PARD3B: variants seen among roughly 807,000 people sequenced by gnomAD.
The protein encoded by PARD3B is partitioning defective 3 homolog B.
Under a neutral mutation model 130.2 loss-of-function variants are expected in PARD3B, and 103 were observed. The observed-to-expected ratio is 0.79, with a 90% confidence interval of 0.67 to 0.93. The LOEUF (loss-of-function observed/expected upper bound fraction) is 0.93, where lower values mean the gene tolerates loss of function less well. Ranked by LOEUF, PARD3B falls within the 40% of genes least tolerant of loss-of-function variation. PARD3B has a pLI of 0.00. For missense variants in PARD3B, 1,609 were observed against 1,499.2 expected (o/e 1.07, Z -1.21); for synonymous variants, 583 against 553.2 (o/e 1.05, Z -0.76).
intron 1 of PARD3B, among the ~76,000 whole-genome samples, chr2:204,662,198 C>G (rs533973662): frequency 6.6e-6 from 1 of 152,274 alleles, no homozygotes; most frequent in South Asian, 2.1e-4. Flanking sequence ...CAAATAGTGA[C>G]AGATTTTATT....
intron 3 of PARD3B, among the ~76,000 whole-genome samples, chr2:204,983,937 TTGTATGTCAGTACCCGTCCCCTCCTC>T (rs1449568507): frequency 2.0e-5 from 3 of 152,092 alleles, no homozygotes; most frequent in Non-Finnish European, 4.4e-5. Context: ...TGTATTGAAG[TTGTATGTCAGTACCCGTCCCCTCCTC>T]TGTATGGACC....
At chr2:204,740,465 A>C (rs1203546833) in intron 2 of PARD3B, among the ~76,000 whole-genome samples, 6 of 152,184 alleles carry the variant, frequency 3.9e-5, no homozygotes, top group African/African-American at 1.4e-4. Context: ...ATAAAACAAA[A>C]ACTGTTTTAT....
chr2:205,032,651 G>A (rs1232796562), intron 3 of PARD3B, among the ~76,000 whole-genome samples: 1 of 152,150 alleles, frequency 6.6e-6, no homozygotes, highest in African/African-American at 2.4e-5. Context: ...AGTTTTAGGT[G>A]TTATTAAGCA....
rs763348597 is a variant in PARD3B, at chr2:204,855,558, T to A, written c.223-109594T>A. Among the ~76,000 whole-genome samples, 323 of 147,692 alleles carry A rather than the reference T, an allele frequency of 2.2e-3. 2 individuals are homozygous for A. The highest frequency in any genetic ancestry group is 0.011 in the East Asian group (58 of 5,052). On this transcript the variant is annotated intron_variant, in intron 2 of 22. Transcript: ENST00000406610. ...TCCCTCTAAAAGAAAAAAAAATATA[T>A]ATATATATATATATAAGGAATTTAA...
At chr2:205,112,981 T>A (rs1045245253) in intron 5 of PARD3B, among the ~76,000 whole-genome samples, 1 of 152,226 alleles carries the variant, frequency 6.6e-6, no homozygotes, top group African/African-American at 2.4e-5. Flanking sequence ...TGCCCATATG[T>A]ATTACCAACT....
chr2:204,589,489 TA>T lies in PARD3B; in HGVS notation c.120+43371del, dbSNP rs1156574666. ...GTTGACTAAACGAAGGCAGAACTTT[TA>T]TCTATTTCACTTGCTTAGAATGCCT... On this transcript the variant is annotated intron_variant, in intron 1 of 22. Transcript: ENST00000406610. Among the ~76,000 whole-genome samples the T allele has an allele frequency of 3.9e-5, 6 of 152,212 alleles. No homozygotes were observed. In the East Asian group the frequency reaches 1.2e-3, roughly 29 times the overall value.
In PARD3B at chr2:205,287,027, G is replaced by A. The variant is rs1012188170; in HGVS notation, c.2186-13503G>A. ...TAATAAAACTCTTCTTGATGTAGAA[G>A]ATTTGTCACTTGTAAAATCCATGCA... On this transcript the variant is annotated intron_variant, in intron 16 of 22. Coordinates refer to ENST00000406610, the MANE Select transcript of PARD3B (RefSeq NM_001302769.2). This position sits in a 1 kb window ranked among gnomAD's most constrained non-coding sequence, Gnocchi z 4.8. Among the ~76,000 whole-genome samples, 1 of 152,176 alleles carries A rather than the reference G, an allele frequency of 6.6e-6. No homozygotes were observed. Among genetic ancestry groups the A allele is most frequent in the Non-Finnish European group, 1.5e-5 (1 of 68,030 alleles).
rs533508554 is a variant in PARD3B, at chr2:205,156,289, C to G, written c.1435-2433C>G. 7.4e-5 allele frequency among the ~76,000 whole-genome samples: 11 copies of G among 149,522 alleles called. No homozygotes were observed. In the South Asian group the frequency reaches 1.7e-3, roughly 23 times the overall value. On this transcript the variant is annotated intron_variant, in intron 10 of 22. Transcript: ENST00000406610. ...GGGTGGGCGGGGGGGGGAGGAATAG[C>G]ATTAGGAGATATACCTAATGCTAAA... is the stretch of plus-strand genomic sequence containing the variant.
rs565137049 is a variant in PARD3B, at chr2:205,235,304, C to G, written c.2141-10474C>G. Among the ~76,000 whole-genome samples the G allele has an allele frequency of 2.6e-5, 4 of 152,174 alleles. No homozygotes were observed. The South Asian group carries it at 8.3e-4, about 32-fold the overall frequency. ...GGGCATGGTGGCATTTGCCTGTAGT[C>G]CTAGCTACTCGGGAGGCTGACGTGG... On this transcript the variant is annotated intron_variant, in intron 15 of 22. Coordinates refer to ENST00000406610, the MANE Select transcript of PARD3B (RefSeq NM_001302769.2).
intron 22 of PARD3B, among the ~76,000 whole-genome samples, chr2:205,578,553 A>T (rs991657302): frequency 2.0e-5 from 3 of 152,236 alleles, no homozygotes; most frequent in African/African-American, 7.2e-5. Flanking sequence ...TAAAACATGT[A>T]TCCTTACAAG....
chr2:204,950,230 C>G (rs1185955779), intron 2 of PARD3B, among the ~76,000 whole-genome samples: 1 of 152,170 alleles, frequency 6.6e-6, no homozygotes, highest in Non-Finnish European at 1.5e-5. Context: ...TTGATAGGAA[C>G]TTCCTCCTGG....
intron 2 of PARD3B, among the ~76,000 whole-genome samples, chr2:204,861,277 C>A (rs891353675): frequency 6.7e-6 from 1 of 148,864 alleles, no homozygotes; most frequent in Admixed American, 6.8e-5. Flanking sequence ...CACGTAGTAA[C>A]TTTTATCCAC....
rs62172740 is a variant in PARD3B at position 205,215,805 on chromosome 2, G to T, written c.2140+22485G>T. On this transcript the variant is annotated intron_variant, in intron 15 of 22. Transcript: ENST00000406610. The stretch of plus-strand genomic sequence containing the variant: ...ATCCTACCAAAAAAATAAAAGACTT[G>T]ACCAAGATGGAATATAAAAATTTTC... Among the ~76,000 whole-genome samples, 602 of 151,954 alleles carry T rather than the reference G, an allele frequency of 4.0e-3. 4 individuals carry two copies. Among genetic ancestry groups the T allele is most frequent in the Non-Finnish European group, 5.9e-3 (400 of 67,916 alleles).
At chr2:204,928,181 G>C (rs1425385303) in intron 2 of PARD3B, among the ~76,000 whole-genome samples, 1 of 152,038 alleles carries the variant, frequency 6.6e-6, no homozygotes, top group Non-Finnish European at 1.5e-5. Flanking sequence ...TATGACCTTG[G>C]CTGGGACAAT....
At chr2:205,040,909 C>T (rs1297936413) in intron 3 of PARD3B, among the ~76,000 whole-genome samples, 5 of 152,122 alleles carry the variant, frequency 3.3e-5, no homozygotes, top group Non-Finnish European at 2.9e-5. Context: ...GACCAGCCCC[C>T]TAAAGAGGAG....
chr2:204,732,528 G>A (rs184548222), intron 2 of PARD3B, among the ~76,000 whole-genome samples: 3,295 of 144,388 alleles, frequency 0.023, 46 homozygotes, highest in Middle Eastern at 0.063. Flanking sequence ...TTTTTGAGAC[G>A]GAGTCTCGCT....
In PARD3B at chr2:204,739,931, C is replaced by A. The variant is rs190763234; in HGVS notation, c.222+53649C>A. 5.0e-3 allele frequency among the ~76,000 whole-genome samples: 752 copies of A among 151,818 alleles called. 13 individuals carry two copies. The highest frequency in any genetic ancestry group is 0.034 in the Admixed American group (514 of 15,220). On this transcript the variant is annotated intron_variant, in intron 2 of 22. Transcript: ENST00000406610. ...TAATGACATTTTTAAAAGAAATATA[C>A]AATGCCCCTTTTTTTTTTGTATTAG...
chr2:204,652,534 A>T (rs2035514636), intron 1 of PARD3B, among the ~76,000 whole-genome samples: 2 of 152,184 alleles, frequency 1.3e-5, no homozygotes, highest in Admixed American at 1.3e-4. Context: ...TTCAACAAGT[A>T]TCTAGGAAGT....
At chr2:205,598,847 A>C (rs2054670281) in intron 22 of PARD3B, among the ~76,000 whole-genome samples, 1 of 152,244 alleles carries the variant, frequency 6.6e-6, no homozygotes. Flanking sequence ...GAAATTAAAC[A>C]ACTTGCTCCT....
Sources: gnomAD v4.1 joint callset for allele counts (sites outside exome capture counted in the v4.1 genomes callset) on GRCh38, gnomAD v4.1.1 for gene constraint, Gnocchi (gnomAD v3.1) non-coding constraint, MANE v1.5 for transcripts, NCBI Gene and HGNC (gene_info 2026-07-23, HGNC 2026-07-21) for gene names.